The following RUBCNL variants were observed in gnomAD, a reference collection of about 807,000 sequenced individuals.
RUBCNL encodes the protein rubicon like autophagy enhancer, also known as protein associated with UVRAG as autophagy enhancer.
In RUBCNL, 62 loss-of-function variants were observed where a neutral mutation model predicts 69.5. The observed-to-expected ratio is 0.89, with a 90% CI of 0.73 to 1.10. RUBCNL has a LOEUF of 1.10. RUBCNL is among the 50% of genes least tolerant of loss of function. RUBCNL has a pLI of 0.00. For synonymous variants in RUBCNL, 291 were observed against 303.6 expected (o/e 0.96, Z 0.43); for missense variants, 768 against 798.1 (o/e 0.96, Z 0.45).
rs753456538 is a variant in RUBCNL, at chr13:46,341,322, T to C, written c.*2063A>G. On this transcript the variant is annotated 3_prime_UTR_variant, in exon 15 of 15. Transcript: ENST00000429979. ...AAACCCACACAATCAGGAAGACCCA[T>C]TAAACAGCTATATATGCCACAACTA... Among the ~76,000 whole-genome samples, 10 of 152,158 alleles carry C rather than the reference T, an allele frequency of 6.6e-5. No individual in the cohort carries two copies. Among genetic ancestry groups the C allele is most frequent in the Non-Finnish European group, 1.3e-4 (9 of 68,038 alleles).
chr13:46,344,888 T>C, intron 13 of RUBCNL, 57 bp from the exon 14 acceptor site: 5 of 1,106,772 alleles, frequency 4.5e-6, no homozygotes, highest in Non-Finnish European at 5.4e-6. Flanking sequence ...AGCTGAGTTT[T>C]CACTATTACA....
chr13:46,349,411 G>T, intron 11 of RUBCNL, 64 bp from the exon 12 acceptor site: 1 of 1,449,888 alleles, frequency 6.9e-7, no homozygotes, highest in Non-Finnish European at 9.7e-7. Context: ...AAAAGTGCAA[G>T]TCAAATTTAA....
Position 46,359,629 on chromosome 13 carries a change from G to A in RUBCNL, c.1122C>T (p.Val374=), listed in dbSNP as rs546085430. The part of the protein sequence containing the change: ...AGSLSAAGSI[V]VNEECVRKDF... ...CTTTTCGGACACACTCTTCATTTAC[G>A]ACCTGCATAAGACATAAAATGATTT... Residue 374 remains valine (V), a splice_region_variant and synonymous_variant, in exon 9 of 15, where the codon GTC becomes GTT. Coordinates refer to ENST00000429979, the MANE Select transcript of RUBCNL (RefSeq NM_025113.5). 1.2e-5 allele frequency: 19 copies of A among 1,581,490 alleles called. No homozygotes were observed. The South Asian group carries it at 1.4e-4, about 12-fold the overall frequency.
At chr13:46,385,433 A>C (rs61948092) in intron 1 of RUBCNL, 15,706 of 166,994 alleles carry the variant, frequency 0.094, 979 homozygotes, top group Non-Finnish European at 0.14. Context: ...GAACTGCCTA[A>C]ATTTTTACAA....
At chr13:46,350,031 G>A in intron 11 of RUBCNL, 82 bp downstream of exon 11, 6 of 1,045,868 alleles carry the variant, frequency 5.7e-6, no homozygotes, top group Non-Finnish European at 8.5e-6. Flanking sequence ...ATGTATCTGT[G>A]GGTTCCCCAA....
intron 1 of RUBCNL, among the ~76,000 whole-genome samples, chr13:46,386,813 A>T (rs1399377631): frequency 6.6e-6 from 1 of 152,088 alleles, no homozygotes; most frequent in African/African-American, 2.4e-5. Context: ...GTAGTCTCTG[A>T]GAATCGCCCT....
At chr13:46,363,587 G>A (rs940189850) in intron 5 of RUBCNL, among the ~76,000 whole-genome samples, 2 of 152,064 alleles carry the variant, frequency 1.3e-5, no homozygotes, top group African/African-American at 4.8e-5. Context: ...GGGCAGGGGC[G>A]TGCACTTGTA....
intron 3 of RUBCNL, among the ~76,000 whole-genome samples, chr13:46,369,305 C>T (rs1409785796): frequency 6.6e-6 from 1 of 152,206 alleles, no homozygotes; most frequent in Non-Finnish European, 1.5e-5. Flanking sequence ...GCTTCAACCT[C>T]CTGGGCTCAA....
chr13:46,354,953 T>C (rs566858429), intron 10 of RUBCNL: 52 of 407,624 alleles, frequency 1.3e-4, no homozygotes, highest in Non-Finnish European at 2.5e-4. Flanking sequence ...AGCGCCAGGA[T>C]ACAGTGGTTA....
chr13:46,368,191 C>G lies in RUBCNL; in HGVS notation c.677G>C (p.Cys226Ser). Residue 226 changes from cysteine to serine, a missense_variant, in exon 5 of 15, where the codon TGT (cysteine) becomes TCT (serine). Physicochemically the swap from Cys to Ser is moderately radical, Grantham distance 112 (BLOSUM62 -1). Transcript: ENST00000429979. The stretch of plus-strand genomic sequence containing the variant: ...TGTCTGCTGTTGACTCAGAATGTTA[C>G]ACTTCATTTTCTCCATTGCTGATAT... ...MIISAMEKMK[C>S]NILSQQQTES... 1 of 1,614,000 alleles carries G rather than the reference C, an allele frequency of 6.2e-7. No individual in the cohort carries two copies. The highest frequency in any genetic ancestry group is 1.6e-4 in the Middle Eastern group (1 of 6,062).
chr13:46,361,948 G>C (rs1289981795), intron 7 of RUBCNL, among the ~76,000 whole-genome samples: 1 of 151,866 alleles, frequency 6.6e-6, no homozygotes, highest in Non-Finnish European at 1.5e-5. Context: ...ATATATGGTC[G>C]GGCATGGTGG....
intron 5 of RUBCNL, among the ~76,000 whole-genome samples, chr13:46,364,341 A>G (rs1268589830): frequency 1.3e-5 from 2 of 152,088 alleles, no homozygotes; most frequent in African/African-American, 4.8e-5. Context: ...AGGTTGCAGT[A>G]AGCTAAAACC....
intron 1 of RUBCNL, among the ~76,000 whole-genome samples, chr13:46,378,984 A>G (rs1274994992): frequency 1.3e-5 from 2 of 152,120 alleles, no homozygotes; most frequent in Non-Finnish European, 2.9e-5. Flanking sequence ...AACAGTTCCT[A>G]TCCCTCTCTT....
chr13:46,358,031 G>C (rs957365735), intron 9 of RUBCNL, among the ~76,000 whole-genome samples: 2 of 152,176 alleles, frequency 1.3e-5, no homozygotes, highest in African/African-American at 4.8e-5. Context: ...ATCAGCAAAA[G>C]ATGGCCAAGG....
intron 10 of RUBCNL, among the ~76,000 whole-genome samples, chr13:46,352,679 T>C (rs2048396404): frequency 6.6e-6 from 1 of 152,054 alleles, no homozygotes; most frequent in African/African-American, 2.4e-5. Flanking sequence ...CGGTGCATGC[T>C]TGTAATCCCT....
chr13:46,375,863 T>A (rs1275814087), intron 2 of RUBCNL, among the ~76,000 whole-genome samples: 1 of 152,122 alleles, frequency 6.6e-6, no homozygotes, highest in African/African-American at 2.4e-5. Flanking sequence ...ACTTTGTGGG[T>A]CCACTAACAT....
chr13:46,368,567 C>T (rs1017558689), intron 4 of RUBCNL, 166 bp downstream of exon 4: 6 of 904,146 alleles, frequency 6.6e-6, no homozygotes, highest in Non-Finnish European at 7.9e-6. Flanking sequence ...GGCACGGCCT[C>T]GGAACCCTTC....
intron 5 of RUBCNL, 124 bp from the exon 6 acceptor site, chr13:46,363,337 A>C: frequency 2.8e-6 from 1 of 357,664 alleles, no homozygotes; most frequent in Non-Finnish European, 5.0e-6. Flanking sequence ...AGAATTAAAC[A>C]TTTCAACTTA....
intron 10 of RUBCNL, among the ~76,000 whole-genome samples, chr13:46,351,883 C>G (rs977670635): frequency 7.1e-6 from 1 of 140,976 alleles, no homozygotes; most frequent in Admixed American, 7.6e-5. Context: ...GGCTGGAGTG[C>G]AGTGGCATGA....
Sources: gnomAD v4.1 joint callset for allele counts (sites outside exome capture counted in the v4.1 genomes callset) on GRCh38, gnomAD v4.1.1 for gene constraint, MANE v1.5 for transcripts, NCBI Gene and HGNC (gene_info 2026-07-23, HGNC 2026-07-21) for gene names.